The following ERBB4 variants were observed in gnomAD, a reference collection of about 807,000 sequenced individuals.
ERBB4 encodes the protein erb-b2 receptor tyrosine kinase 4.
A neutral mutation model predicts 158.0 loss-of-function variants in ERBB4; 42 were observed. The observed-to-expected ratio is 0.27, with a 90% CI of 0.21 to 0.34. The LOEUF (loss-of-function observed/expected upper bound fraction) is 0.34. Ranked by LOEUF, ERBB4 falls within the 10% of genes least tolerant of loss-of-function variation. ERBB4 has a pLI of 1.00. For missense variants in ERBB4, 1,333 were observed against 1,624.1 expected, an observed-to-expected ratio of 0.82 and a Z score of 3.08; for synonymous variants, 583 against 558.7, an observed-to-expected ratio of 1.04 and a Z score of -0.61.
rs751669855 is a variant in ERBB4 at position 211,725,161 on chromosome 2, C to T, written c.656G>A (p.Gly219Asp). The T allele has an allele frequency of 1.9e-6, 3 of 1,613,938 alleles. No homozygotes were observed. The highest frequency in any genetic ancestry group is 2.5e-6 in the Non-Finnish European group (3 of 1,179,908). The change falls in exon 6 of 28, where the codon GGC becomes GAC. Residue 219 changes from glycine to aspartate, a missense_variant. Gly to Asp is a moderately conservative substitution (Grantham distance 94). Transcript: ENST00000342788. ...ACTGACGTAAGGTCCGTAGCATCTGCCGTCACATTGTTCTGCACACACCGT... is the reference window on the plus strand; with the variant it reads ...ACTGACGTAAGGTCCGTAGCATCTGTCGTCACATTGTTCTGCACACACCGT... The part of the protein sequence containing the change: ...TRTVCAEQCD[G>D]RCYGPYVSDC...
At chr2:212,234,671 A>T (rs1298343564) in intron 1 of ERBB4, among the ~76,000 whole-genome samples, 1 of 152,164 alleles carries the variant, frequency 6.6e-6, no homozygotes, top group Admixed American at 6.5e-5. Flanking sequence ...CATGATCGCC[A>T]TTCTAACTGG....
intron 2 of ERBB4, among the ~76,000 whole-genome samples, chr2:212,101,367 G>A (rs200586897): frequency 1.2e-4 from 5 of 40,134 alleles, no homozygotes; most frequent in South Asian, 4.6e-4. Context: ...ATATATATAT[G>A]TATATGTATT....
At chr2:212,395,189 A>G (rs1191179716) in intron 1 of ERBB4, among the ~76,000 whole-genome samples, 1 of 152,030 alleles carries the variant, frequency 6.6e-6, no homozygotes, top group Non-Finnish European at 1.5e-5. Flanking sequence ...TCCTTAATTG[A>G]TATGTTATCT....
At chr2:211,501,498 A>T (rs1400873159) in intron 20 of ERBB4, among the ~76,000 whole-genome samples, 3 of 56,464 alleles carry the variant, frequency 5.3e-5, no homozygotes, top group African/African-American at 9.2e-5. Context: ...CATAAAAATT[A>T]AAAAAAACAG....
intron 19 of ERBB4, among the ~76,000 whole-genome samples, chr2:211,601,607 G>A (rs183276853): frequency 6.6e-6 from 1 of 152,004 alleles, no homozygotes; most frequent in Non-Finnish European, 1.5e-5. Context: ...AAATGGCATT[G>A]GACTGCAATA....
At chr2:211,478,334 G>C (rs143856613) in intron 20 of ERBB4, among the ~76,000 whole-genome samples, 1 of 152,248 alleles carries the variant, frequency 6.6e-6, no homozygotes, top group East Asian at 1.9e-4. Flanking sequence ...GAAGAAAAAA[G>C]TGATAGTATA....
intron 2 of ERBB4, among the ~76,000 whole-genome samples, chr2:211,991,898 G>A (rs570925950): frequency 2.6e-5 from 4 of 152,298 alleles, no homozygotes; most frequent in Admixed American, 1.3e-4. Flanking sequence ...TAAAACTTAA[G>A]TTCACAGGCT....
At chr2:211,650,203 C>T (rs953691501) in intron 16 of ERBB4, among the ~76,000 whole-genome samples, 2 of 151,942 alleles carry the variant, frequency 1.3e-5, no homozygotes, top group African/African-American at 4.8e-5. Context: ...CAACTCTTTT[C>T]TAAATATATG....
At chr2:211,421,232 G>GAAAACTAATTT (rs929275996) in intron 24 of ERBB4, among the ~76,000 whole-genome samples, 1 of 151,800 alleles carries the variant, frequency 6.6e-6, no homozygotes, top group African/African-American at 2.4e-5. Context: ...TTCAGTTCAT[G>GAAAACTAATTT]AAAACTAATT....
chr2:212,469,799 C>T (rs10168850), intron 1 of ERBB4, among the ~76,000 whole-genome samples: 46,701 of 151,848 alleles, frequency 0.31, 8,251 homozygotes, highest in Non-Finnish European at 0.4. Flanking sequence ...ATCTTTTTTT[C>T]CACAACAATT....
intron 20 of ERBB4, among the ~76,000 whole-genome samples, chr2:211,454,422 C>G (rs1290986240): frequency 6.6e-6 from 1 of 152,166 alleles, no homozygotes; most frequent in Non-Finnish European, 1.5e-5. Context: ...TCCATGTATT[C>G]TCTGACTCTA....
chr2:211,484,232 G>A (rs1052874198), intron 20 of ERBB4, among the ~76,000 whole-genome samples: 2 of 152,106 alleles, frequency 1.3e-5, no homozygotes, highest in Non-Finnish European at 2.9e-5. Flanking sequence ...GGAAAAAAGA[G>A]CAAAAGGAAT....
At chr2:211,800,291 C>A (rs755957611) in intron 3 of ERBB4, among the ~76,000 whole-genome samples, 1 of 152,166 alleles carries the variant, frequency 6.6e-6, no homozygotes, top group East Asian at 1.9e-4. Context: ...TTACAGAAAT[C>A]CTATGAGGTA....
intron 2 of ERBB4, among the ~76,000 whole-genome samples, chr2:212,033,835 C>T (rs2076955642): frequency 6.6e-6 from 1 of 151,828 alleles, no homozygotes; most frequent in South Asian, 2.1e-4. Flanking sequence ...TGAGTTTACT[C>T]ATGTGTAAAA....
chr2:211,598,286 G>C (rs940287829), intron 19 of ERBB4, among the ~76,000 whole-genome samples: 1 of 151,764 alleles, frequency 6.6e-6, no homozygotes, highest in African/African-American at 2.4e-5. Context: ...CCTCACTAGA[G>C]GGCATGTGAA....
chr2:212,159,677 T>TA (rs904684564), intron 1 of ERBB4, among the ~76,000 whole-genome samples: 37 of 151,588 alleles, frequency 2.4e-4, no homozygotes, highest in African/African-American at 8.0e-4. Context: ...CCTGCACAAT[T>TA]AAAAAAAAGA....
At chr2:211,606,021 T>C (rs2068967940) in intron 19 of ERBB4, among the ~76,000 whole-genome samples, 1 of 152,084 alleles carries the variant, frequency 6.6e-6, no homozygotes, top group South Asian at 2.1e-4. Context: ...AACTGCCCAC[T>C]TTTAAAAATT....
chr2:212,003,112 AGAAGGAAG>A (rs1217270481), intron 2 of ERBB4, among the ~76,000 whole-genome samples: 10 of 48,188 alleles, frequency 2.1e-4, no homozygotes, highest in African/African-American at 6.8e-4. Flanking sequence ...AAAGAAAGAA[AGAAGGAAG>A]GAAGGAAGGA....
chr2:212,037,579 G>A (rs990850608), intron 2 of ERBB4, among the ~76,000 whole-genome samples: 1 of 152,194 alleles, frequency 6.6e-6, no homozygotes, highest in Non-Finnish European at 1.5e-5. Flanking sequence ...GACACATTGG[G>A]TGTTCCAATG....
Sources: gnomAD v4.1 joint callset for allele counts (sites outside exome capture counted in the v4.1 genomes callset) on GRCh38, gnomAD v4.1.1 for gene constraint, MANE v1.5 for transcripts, NCBI Gene and HGNC (gene_info 2026-07-23, HGNC 2026-07-21) for gene names.